SMAD7: variants seen among roughly 807,000 people sequenced by gnomAD.
SMAD7 encodes SMAD family member 7, also known as MAD (mothers against decapentaplegic, Drosophila) homolog 7.
In SMAD7, 8 loss-of-function variants were observed where a neutral mutation model predicts 38.7. The ratio of observed to expected loss-of-function variants is 0.21; its 90% confidence interval spans 0.12 to 0.37. SMAD7 has a LOEUF of 0.37. SMAD7 is among the 10% of genes least tolerant of loss of function. The probability of loss-of-function intolerance (pLI) is 1.00; values close to 1 mark genes in which losing one functional copy is unlikely to be tolerated. For missense variants in SMAD7, 477 were observed against 577.9 expected (o/e 0.83, Z 1.79); for synonymous variants, 327 against 265.1 (o/e 1.23, Z -2.27).
At position 48,921,716 on chromosome 18, in the gene SMAD7, C is replaced by A; in HGVS notation, c.937G>T (p.Val313Leu). Residue 313 changes from valine (V) to leucine (L), a missense_variant, in exon 4 of 4, where the codon GTG becomes TTG. Around this residue, in one of 2 missense-constraint regions of SMAD7, gnomAD observed 101 missense variants for 198.5 expected, o/e 0.51. Transcript: ENST00000262158. The surrounding 1 kb of genome is among the most constrained non-coding windows in gnomAD (Gnocchi z 6.4). ...ATGCCGCAGCCGATTTTGCTCCGCA[C>A]CTTCTGCACCAGCTGACTCTTGTTG... ...SDNKSQLVQK[V>L]RSKIGCGIQL... The A allele has an allele frequency of 1.2e-6, 2 of 1,614,134 alleles. No homozygotes were observed. Among genetic ancestry groups the A allele is most frequent in the Non-Finnish European group, 1.7e-6 (2 of 1,180,016 alleles).
chr18:48,927,204 A>G (rs1404702091), intron 3 of SMAD7, among the ~76,000 whole-genome samples: 2 of 152,222 alleles, frequency 1.3e-5, no homozygotes, highest in Non-Finnish European at 2.9e-5. Context: ...ACTGCGAGTT[A>G]ATCAGAAAAC....
chr18:48,931,295 A>ATTT (rs1350484160), intron 3 of SMAD7, among the ~76,000 whole-genome samples: 2 of 152,348 alleles, frequency 1.3e-5, no homozygotes, highest in East Asian at 3.9e-4. Flanking sequence ...ACACTTAAAA[A>ATTT]TTGTTAATAT....
rs765119352 is a variant in SMAD7, at chr18:48,921,028, TCA to T, written c.*342_*343del. The T allele has an allele frequency of 5.0e-5, 15 of 302,164 alleles. No homozygotes were observed. Among genetic ancestry groups the T allele is most frequent in the South Asian group, 3.0e-4 (7 of 23,124 alleles). 18.7% of individuals were successfully genotyped at this position (302,164 alleles called of 1,614,324 possible). On this transcript the variant is annotated 3_prime_UTR_variant, in exon 4 of 4. Coordinates refer to ENST00000262158, the MANE Select transcript of SMAD7 (RefSeq NM_005904.4). The surrounding 1 kb of genome is among the most constrained non-coding windows in gnomAD (Gnocchi z 6.4). ...TGCACACACAGCCGCACACTCACAC[TCA>T]CACACACTCCTGACAAGTGAAATGA...
intron 3 of SMAD7, among the ~76,000 whole-genome samples, chr18:48,929,211 C>G (rs2069963531): frequency 6.6e-6 from 1 of 152,188 alleles, no homozygotes; most frequent in South Asian, 2.1e-4. Flanking sequence ...ACTGTTACCC[C>G]CCAAGTAACT....
At chr18:48,932,867 C>T (rs1234129701) in intron 3 of SMAD7, among the ~76,000 whole-genome samples, 5 of 152,206 alleles carry the variant, frequency 3.3e-5, no homozygotes, top group Admixed American at 6.5e-5. Flanking sequence ...GGGAAAGTCA[C>T]TCCTGGGCTT....
intron 3 of SMAD7, among the ~76,000 whole-genome samples, chr18:48,939,102 G>A (rs150640911): frequency 7.3e-4 from 111 of 152,180 alleles, no homozygotes; most frequent in African/African-American, 2.6e-3. Flanking sequence ...ACGCTCTCAT[G>A]TGTTTGCGCA....
chr18:48,930,718 CCGACACAT>C (rs2069989813), intron 3 of SMAD7, among the ~76,000 whole-genome samples: 2 of 46,906 alleles, frequency 4.3e-5, no homozygotes, highest in South Asian at 9.5e-4. Context: ...TCGGTGTGTG[CCGACACAT>C]GAGGCACAAG....
chr18:48,928,073 C>T (rs796497354), intron 3 of SMAD7, among the ~76,000 whole-genome samples: 10 of 152,358 alleles, frequency 6.6e-5, no homozygotes, highest in East Asian at 1.9e-4. Context: ...TTTAGAGCTG[C>T]GCATGGGGTG....
At chr18:48,933,025 T>C (rs1214781256) in intron 3 of SMAD7, among the ~76,000 whole-genome samples, 1 of 152,116 alleles carries the variant, frequency 6.6e-6, no homozygotes, top group Non-Finnish European at 1.5e-5. Context: ...ACTACCAGGG[T>C]CTGGAGGGTG....
intron 2 of SMAD7, among the ~76,000 whole-genome samples, chr18:48,948,025 T>C (rs1269783495): frequency 6.6e-6 from 1 of 152,062 alleles, no homozygotes; most frequent in Non-Finnish European, 1.5e-5. Context: ...TTATTCCCAC[T>C]GATGCTCCTG....
At chr18:48,932,445 T>C (rs1033693535) in intron 3 of SMAD7, among the ~76,000 whole-genome samples, 4 of 152,220 alleles carry the variant, frequency 2.6e-5, no homozygotes, top group South Asian at 2.1e-4. Flanking sequence ...AGTTGTCTTC[T>C]GGCTGAAAGA....
At chr18:48,933,985 T>G (rs2070034388) in intron 3 of SMAD7, among the ~76,000 whole-genome samples, 1 of 152,110 alleles carries the variant, frequency 6.6e-6, no homozygotes, top group Admixed American at 6.5e-5. Flanking sequence ...TTCTTTCTGG[T>G]CTCTGTCCTA....
rs751914575 is a variant in SMAD7, at chr18:48,921,681, C to T, written c.972G>A (p.Thr324=). The T allele has an allele frequency of 2.0e-5, 32 of 1,613,122 alleles. No homozygotes were observed. Among genetic ancestry groups the T allele is most frequent in the African/African-American group, 1.1e-4 (8 of 74,936 alleles). ...ACACCCACACACCATCCACCTCCCG[C>T]GTCAGCTGGATGCCGCAGCCGATTT... is the stretch of plus-strand genomic sequence containing the variant. ...RSKIGCGIQL[T]REVDGVWVYN... Residue 324 remains threonine, a synonymous_variant, in exon 4 of 4, where the codon ACG becomes ACA. Coordinates refer to ENST00000262158, the MANE Select transcript of SMAD7 (RefSeq NM_005904.4). This position sits in a 1 kb window ranked among gnomAD's most constrained non-coding sequence, Gnocchi z 6.4.
At chr18:48,935,680 C>G (rs913213991) in intron 3 of SMAD7, among the ~76,000 whole-genome samples, 1 of 152,136 alleles carries the variant, frequency 6.6e-6, no homozygotes, top group African/African-American at 2.4e-5. Flanking sequence ...AAAGTCAGGC[C>G]GGGAATCAAA....
intron 3 of SMAD7, among the ~76,000 whole-genome samples, chr18:48,925,533 T>C (rs1022212741): frequency 6.6e-6 from 1 of 152,116 alleles, no homozygotes; most frequent in African/African-American, 2.4e-5. Context: ...CAGCCTGTGT[T>C]TGCGCTCCAA....
In SMAD7 at chr18:48,947,082, GA is replaced by G. The variant is rs1391139137; in HGVS notation, c.667+1301del. Among the ~76,000 whole-genome samples, 5 of 152,306 alleles carry G rather than the reference GA, an allele frequency of 3.3e-5. No homozygotes were observed. The East Asian group carries it at 9.6e-4, about 29-fold the overall frequency. ...AACCCAGTCAAGTTACAGTCTTTAG[GA>G]AAACAGAGCTTGGTAATTCCAGTTA... is the stretch of plus-strand genomic sequence containing the variant. On this transcript the variant is annotated intron_variant, in intron 2 of 3. Coordinates refer to ENST00000262158, the MANE Select transcript of SMAD7 (RefSeq NM_005904.4).
intron 3 of SMAD7, among the ~76,000 whole-genome samples, chr18:48,939,851 T>A (rs72917797): frequency 0.053 from 7,339 of 138,354 alleles, 242 homozygotes; most frequent in Non-Finnish European, 0.075. Context: ...CCAACCTCAG[T>A]GTCTGCTATG....
At position 48,925,907 on chromosome 18, in the gene SMAD7, T is replaced by C. The variant is rs533085502; in HGVS notation, c.743-3997A>G. Among the ~76,000 whole-genome samples the C allele has an allele frequency of 9.4e-3, 1,431 of 152,164 alleles. 16 individuals carry two copies. The highest frequency in any genetic ancestry group is 0.033 in the African/African-American group (1,363 of 41,502). Reference sequence around the variant, plus strand: ...GACTACAGGCACCCGCCACCACGCCTGGCTAATTTTTTGTATTTTTAGTAG... The same window carrying C: ...GACTACAGGCACCCGCCACCACGCCCGGCTAATTTTTTGTATTTTTAGTAG... On this transcript the variant is annotated intron_variant, in intron 3 of 3. Transcript: ENST00000262158.
At chr18:48,932,946 C>G (rs187258020) in intron 3 of SMAD7, among the ~76,000 whole-genome samples, 29 of 152,154 alleles carry the variant, frequency 1.9e-4, no homozygotes, top group Non-Finnish European at 3.4e-4. Context: ...TTTCCCCACC[C>G]CTTGGCCGTG....
Sources: gnomAD v4.1 joint callset for allele counts (sites outside exome capture counted in the v4.1 genomes callset) on GRCh38, gnomAD v4.1.1 for gene constraint, gnomAD v4.1.1 regional missense constraint, Gnocchi (gnomAD v3.1) non-coding constraint, MANE v1.5 for transcripts, NCBI Gene and HGNC (gene_info 2026-07-23, HGNC 2026-07-21) for gene names.